C16orf74: variants seen among roughly 807,000 people sequenced by gnomAD.
C16orf74 encodes uncharacterized protein C16orf74.
A neutral mutation model predicts 6.5 loss-of-function variants in C16orf74; 10 were observed. The observed-to-expected ratio is 1.54, with a 90% CI of 0.95 to 2.61. C16orf74 has a LOEUF of 2.61. Among genes scored for constraint, C16orf74 ranks in the 30% most tolerant of loss-of-function variants. The probability of loss-of-function intolerance (pLI) is 0.00; values close to 1 mark genes in which losing one functional copy is unlikely to be tolerated. For synonymous variants in C16orf74, 60 were observed against 42.5 expected, an observed-to-expected ratio of 1.41 and a Z score of -1.60; for missense variants, 141 against 105.9, an observed-to-expected ratio of 1.33 and a Z score of -1.45.
chr16:85,720,489 C>T (rs935452983), intron 2 of C16orf74, among the ~76,000 whole-genome samples: 1 of 152,088 alleles, frequency 6.6e-6, no homozygotes, highest in Non-Finnish European at 1.5e-5. Flanking sequence ...GGTCCAGGGT[C>T]GGGCACAGTG....
intron 2 of C16orf74, among the ~76,000 whole-genome samples, chr16:85,725,086 C>A (rs1360989515): frequency 6.6e-6 from 1 of 152,152 alleles, no homozygotes; most frequent in Admixed American, 6.5e-5. Flanking sequence ...CCGGCTAAGT[C>A]CCTGCTGTAA....
chr16:85,748,948 A>AT (rs2054405476), intron 1 of C16orf74, among the ~76,000 whole-genome samples: 1 of 91,762 alleles, frequency 1.1e-5, no homozygotes, highest in Non-Finnish European at 2.4e-5. Context: ...TTTTTTTTTT[A>AT]TTTTATTTTT....
chr16:85,732,649 G>C (rs2054201935), intron 2 of C16orf74, among the ~76,000 whole-genome samples: 1 of 130,372 alleles, frequency 7.7e-6, no homozygotes, highest in Non-Finnish European at 1.6e-5. Flanking sequence ...CTGGGTGACA[G>C]AGCGAGACTC....
chr16:85,738,314 G>A (rs570056992), intron 1 of C16orf74, among the ~76,000 whole-genome samples: 2 of 148,788 alleles, frequency 1.3e-5, no homozygotes, highest in South Asian at 4.3e-4. Context: ...CTGGTGTGTG[G>A]CTGGCATTGG....
chr16:85,743,825 G>C (rs1214204901), intron 1 of C16orf74: 1 of 152,036 alleles, frequency 6.6e-6, no homozygotes, highest in African/African-American at 2.4e-5. Context: ...AGGCCGAGGC[G>C]GGCGGATCAC....
intron 2 of C16orf74, among the ~76,000 whole-genome samples, chr16:85,724,077 G>A (rs557946571): frequency 3.3e-5 from 5 of 152,040 alleles, no homozygotes; most frequent in South Asian, 2.1e-4. Flanking sequence ...ACCGGGCTAC[G>A]TTTATTTTGT....
chr16:85,740,840 A>AAAAG (rs1483444959), intron 1 of C16orf74, among the ~76,000 whole-genome samples: 5 of 151,194 alleles, frequency 3.3e-5, no homozygotes, highest in South Asian at 4.2e-4. Flanking sequence ...AAAAAAAAAA[A>AAAAG]AAAAAAGAAA....
chr16:85,748,237 G>A (rs1236569210), intron 1 of C16orf74, among the ~76,000 whole-genome samples: 2 of 151,754 alleles, frequency 1.3e-5, no homozygotes, highest in Non-Finnish European at 1.5e-5. Context: ...GAAGTACGTG[G>A]GATGGGGAGA....
intron 1 of C16orf74, among the ~76,000 whole-genome samples, chr16:85,750,106 T>C (rs1169772347): frequency 1.3e-5 from 2 of 152,050 alleles, no homozygotes; most frequent in African/African-American, 4.8e-5. Flanking sequence ...AGAGCCTCAG[T>C]TTCCTAACCT....
At chr16:85,749,704 C>A (rs1463969492) in intron 1 of C16orf74, among the ~76,000 whole-genome samples, 1 of 152,246 alleles carries the variant, frequency 6.6e-6, no homozygotes, top group Non-Finnish European at 1.5e-5. Flanking sequence ...ACTATCAGTG[C>A]GCTCTTCTTC....
chr16:85,747,513 G>C (rs2054387546), intron 1 of C16orf74, among the ~76,000 whole-genome samples: 1 of 152,080 alleles, frequency 6.6e-6, no homozygotes, highest in Non-Finnish European at 1.5e-5. Flanking sequence ...GGAAACCATG[G>C]CTGGGAGGAG....
intron 3 of C16orf74, among the ~76,000 whole-genome samples, chr16:85,709,250 A>T (rs2053943122): frequency 6.6e-6 from 1 of 152,208 alleles, no homozygotes; most frequent in African/African-American, 2.4e-5. Context: ...GCTACTCAGG[A>T]GGCTGAGGCA....
Position 85,707,890 on chromosome 16 carries a change from G to T in C16orf74, c.*118C>A. The T allele has an allele frequency of 1.2e-6, 1 of 801,316 alleles. No individual in the cohort carries two copies. The highest frequency in any genetic ancestry group is 1.6e-5 in the South Asian group (1 of 61,068). 49.6% of individuals were successfully genotyped at this position (801,316 alleles called of 1,614,324 possible). On this transcript the variant is annotated 3_prime_UTR_variant, in exon 4 of 4. Coordinates refer to ENST00000284245, the MANE Select transcript of C16orf74 (RefSeq NM_206967.3). Reference sequence around the variant, plus strand: ...CCACGTCTCTCTGAGCGGAGGCCCGGGTTCGCTCAGTTCCCATCCAGGGTA... The same window carrying T: ...CCACGTCTCTCTGAGCGGAGGCCCGTGTTCGCTCAGTTCCCATCCAGGGTA...
At chr16:85,736,123 A>G (rs2054242076) in intron 1 of C16orf74, among the ~76,000 whole-genome samples, 1 of 152,092 alleles carries the variant, frequency 6.6e-6, no homozygotes, top group Non-Finnish European at 1.5e-5. Context: ...CGTGGGAGGA[A>G]CCCCAGGGGA....
chr16:85,742,207 T>A (rs2054316801), intron 1 of C16orf74, among the ~76,000 whole-genome samples: 1 of 152,136 alleles, frequency 6.6e-6, no homozygotes, highest in South Asian at 2.1e-4. Context: ...ACCCCGTCTC[T>A]ACTAAAAGTA....
intron 1 of C16orf74, among the ~76,000 whole-genome samples, chr16:85,748,250 T>C (rs2054396405): frequency 6.6e-6 from 1 of 151,594 alleles, no homozygotes; most frequent in Admixed American, 6.6e-5. Context: ...TGGGGAGACA[T>C]GGCTTTTGGG....
intron 1 of C16orf74, among the ~76,000 whole-genome samples, chr16:85,738,606 C>G (rs554790): frequency 0.38 from 57,834 of 151,618 alleles, 11,440 homozygotes; most frequent in Middle Eastern, 0.46. Flanking sequence ...GCTGGGATTT[C>G]AGGTGTGAGC....
chr16:85,727,171 C>A (rs1415974711), intron 2 of C16orf74, among the ~76,000 whole-genome samples: 1 of 152,248 alleles, frequency 6.6e-6, no homozygotes, highest in African/African-American at 2.4e-5. Flanking sequence ...TCACGCAATT[C>A]TGGCCTGCAG....
chr16:85,748,418 C>A, intron 1 of C16orf74, among the ~76,000 whole-genome samples: 1 of 151,560 alleles, frequency 6.6e-6, no homozygotes, highest in South Asian at 2.1e-4. Context: ...ACCAACAGGG[C>A]GAAACCCCAT....
Sources: gnomAD v4.1 joint callset for allele counts (sites outside exome capture counted in the v4.1 genomes callset) on GRCh38, gnomAD v4.1.1 for gene constraint, MANE v1.5 for transcripts, NCBI Gene and HGNC (gene_info 2026-07-23, HGNC 2026-07-21) for gene names.